GRM8: variants seen among roughly 807,000 people sequenced by gnomAD.
GRM8 encodes the protein metabotropic glutamate receptor 8.
A neutral mutation model predicts 87.2 loss-of-function variants in GRM8; 47 were observed. That is an observed-to-expected ratio of 0.54 (90% CI 0.43 to 0.69). GRM8 has a LOEUF of 0.69. Ranked by LOEUF, GRM8 falls within the 30% of genes least tolerant of loss-of-function variation. GRM8 has a pLI of 0.00. For synonymous variants in GRM8, 396 were observed against 404.5 expected, an observed-to-expected ratio of 0.98 and a Z score of 0.25; for missense variants, 1,019 against 1,139.2, an observed-to-expected ratio of 0.89 and a Z score of 1.52.
At chr7:126,911,555 G>T (rs1244040398) in intron 3 of GRM8, among the ~76,000 whole-genome samples, 1 of 152,198 alleles carries the variant, frequency 6.6e-6, no homozygotes, top group Non-Finnish European at 1.5e-5. Context: ...TTTTTAAGAG[G>T]CTGGAATCTA....
intron 8 of GRM8, among the ~76,000 whole-genome samples, chr7:126,574,617 A>G (rs1794955454): frequency 6.6e-6 from 1 of 150,626 alleles, no homozygotes; most frequent in Non-Finnish European, 1.5e-5. Flanking sequence ...GTGTTTTCCA[A>G]CTCTCTCTTC....
intron 8 of GRM8, among the ~76,000 whole-genome samples, chr7:126,592,947 T>C (rs1796828563): frequency 6.6e-6 from 1 of 151,930 alleles, no homozygotes; most frequent in Non-Finnish European, 1.5e-5. Context: ...AATGTTACAT[T>C]ACACACAATC....
At chr7:127,034,071 G>T (rs1817630737) in intron 3 of GRM8, among the ~76,000 whole-genome samples, 1 of 152,156 alleles carries the variant, frequency 6.6e-6, no homozygotes, top group Admixed American at 6.5e-5. Flanking sequence ...AATTGGGGAA[G>T]GAAATGCAAG....
At chr7:127,251,843 G>A (rs1798894274) in intron 1 of GRM8, among the ~76,000 whole-genome samples, 1 of 152,122 alleles carries the variant, frequency 6.6e-6, no homozygotes, top group Non-Finnish European at 1.5e-5. Flanking sequence ...CCCCCAGCAG[G>A]ACACGGAACT....
At chr7:126,933,792 T>C (rs150938127) in intron 3 of GRM8, among the ~76,000 whole-genome samples, 41 of 152,302 alleles carry the variant, frequency 2.7e-4, no homozygotes, top group African/African-American at 9.9e-4. Context: ...AAATATGGGG[T>C]AACATCATCC....
intron 6 of GRM8, among the ~76,000 whole-genome samples, chr7:126,854,337 T>G (rs965142921): frequency 6.6e-6 from 1 of 152,200 alleles, no homozygotes; most frequent in African/African-American, 2.4e-5. Flanking sequence ...CCAGAAAAAT[T>G]GAACTATCTT....
chr7:126,850,871 C>T (rs1592375), intron 6 of GRM8, among the ~76,000 whole-genome samples: 144,549 of 152,262 alleles, frequency 0.95, 68,678 homozygotes, highest in East Asian at 1. Flanking sequence ...GCTTAGGTAA[C>T]AGTGCGAGGC....
At chr7:126,495,559 A>G (rs1360042751) in intron 9 of GRM8, among the ~76,000 whole-genome samples, 1 of 151,984 alleles carries the variant, frequency 6.6e-6, no homozygotes, top group Non-Finnish European at 1.5e-5. Flanking sequence ...TAGAATTCTA[A>G]TTGGGATTTC....
At position 127,203,738 on chromosome 7, in the gene GRM8, G is replaced by T. The variant is rs1025155053; in HGVS notation, c.510+38957C>A. Among the ~76,000 whole-genome samples, 125 of 149,120 alleles carry T rather than the reference G, an allele frequency of 8.4e-4. 1 individual carries two copies. Among genetic ancestry groups the T allele is most frequent in the African/African-American group, 2.9e-3 (118 of 40,646 alleles). Reference sequence around the variant, plus strand: ...AAAATAAAATAAAATAAAATAAATTGAAAAAAATAAGAACCAACTGTTGAA... The same window carrying T: ...AAAATAAAATAAAATAAAATAAATTTAAAAAAATAAGAACCAACTGTTGAA... On this transcript the variant is annotated intron_variant, in intron 2 of 10. Transcript: ENST00000339582.
At chr7:126,592,686 G>A (rs62477875) in intron 8 of GRM8, among the ~76,000 whole-genome samples, 46,868 of 151,460 alleles carry the variant, frequency 0.31, 8,129 homozygotes, top group East Asian at 0.44. Flanking sequence ...TGACAAACCC[G>A]TAGCTAACAT....
intron 8 of GRM8, among the ~76,000 whole-genome samples, chr7:126,537,180 A>G (rs1330325707): frequency 1.3e-5 from 2 of 152,216 alleles, no homozygotes; most frequent in Non-Finnish European, 2.9e-5. Flanking sequence ...AATTTTCTTT[A>G]AGTAAAAAAA....
At chr7:127,000,452 T>A (rs894323473) in intron 3 of GRM8, among the ~76,000 whole-genome samples, 1 of 151,750 alleles carries the variant, frequency 6.6e-6, no homozygotes, top group African/African-American at 2.4e-5. Context: ...GGATATCCCA[T>A]TTACTATGAC....
chr7:126,611,247 C>A (rs1419304564), intron 7 of GRM8, among the ~76,000 whole-genome samples: 3 of 152,230 alleles, frequency 2.0e-5, no homozygotes, highest in African/African-American at 2.4e-5. Context: ...TTTCTCAGCT[C>A]CTAGTGACCT....
intron 3 of GRM8, among the ~76,000 whole-genome samples, chr7:126,969,984 A>G (rs1810253205): frequency 7.0e-6 from 1 of 142,430 alleles, no homozygotes; most frequent in African/African-American, 2.6e-5. Context: ...GAGCAGTACT[A>G]TCTTGAAAGG....
chr7:126,747,134 A>C (rs1815795266), intron 7 of GRM8, among the ~76,000 whole-genome samples: 1 of 151,980 alleles, frequency 6.6e-6, no homozygotes, highest in Non-Finnish European at 1.5e-5. Context: ...CAGTACCATT[A>C]AATGTCAAAT....
rs1188478521 is a variant in GRM8, at chr7:126,624,041, A to G, written c.1358-14543T>C. Among the ~76,000 whole-genome samples the G allele has an allele frequency of 3.3e-5, 5 of 152,256 alleles. 1 individual carries two copies. Among genetic ancestry groups the G allele is most frequent in the African/African-American group, 1.2e-4 (5 of 41,546 alleles). On this transcript the variant is annotated intron_variant, in intron 7 of 10. Transcript: ENST00000339582. ...CATTCTTTTTACCCCCTCTTGCATT[A>G]ACCTTGTCTTGGCTACTATAACCTC...
chr7:126,891,051 T>A (rs974097747), intron 6 of GRM8, among the ~76,000 whole-genome samples: 10 of 152,014 alleles, frequency 6.6e-5, no homozygotes, highest in Admixed American at 5.3e-4. Context: ...AAACTCAGTA[T>A]CTCCCACAAA....
chr7:127,172,616 G>A (rs936934303), intron 2 of GRM8, among the ~76,000 whole-genome samples: 1 of 151,798 alleles, frequency 6.6e-6, no homozygotes, highest in African/African-American at 2.4e-5. Flanking sequence ...GCTGAGGCAG[G>A]AGAATCACCT....
At chr7:126,800,950 T>C (rs991647162) in intron 6 of GRM8, among the ~76,000 whole-genome samples, 2 of 151,984 alleles carry the variant, frequency 1.3e-5, no homozygotes, top group Non-Finnish European at 2.9e-5. Context: ...ATCTGATGAA[T>C]AAACATGTAA....
Sources: gnomAD v4.1 joint callset for allele counts (sites outside exome capture counted in the v4.1 genomes callset) on GRCh38, gnomAD v4.1.1 for gene constraint, MANE v1.5 for transcripts, NCBI Gene and HGNC (gene_info 2026-07-23, HGNC 2026-07-21) for gene names.